Variants in RP1 observed in about 807,000 individuals in gnomAD.
RP1 encodes the protein oxygen-regulated protein 1.
In RP1, 16 loss-of-function variants were observed where a neutral mutation model predicts 14.8. The observed-to-expected ratio is 1.08, with a 90% confidence interval of 0.73 to 1.65. RP1 has a LOEUF of 1.65. Among genes scored for constraint, RP1 ranks in the 40% most tolerant of loss-of-function variants. The pLI is 0.00. For missense variants in RP1, 2,631 were observed against 2,535.0 expected, an observed-to-expected ratio of 1.04 and a Z score of -0.81; for synonymous variants, 876 against 883.6, an observed-to-expected ratio of 0.99 and a Z score of 0.15.
At position 54,663,749 on chromosome 8, in the gene RP1, A is replaced by G. The variant is rs570401230; in HGVS notation, c.1222A>G (p.Thr408Ala). The G allele has an allele frequency of 1.3e-4, 194 of 1,535,012 alleles. 1 individual carries two copies. In the African/African-American group the frequency reaches 2.4e-3, roughly 19 times the overall value. ...AACGGGTGAGCTATGGAATGCTGGAACAGTAGCAAACGTCTACATTTCTAT... is the reference window on the plus strand; with the variant it reads ...AACGGGTGAGCTATGGAATGCTGGAGCAGTAGCAAACGTCTACATTTCTAT... Residue 408 changes from threonine (T) to alanine (A), a missense_variant, in exon 7 of 23, where the codon ACA (threonine) becomes GCA (alanine). Coordinates refer to the RP1 transcript ENST00000636932.
exon 26 of RP1, chr8:54,852,721 G>A (rs546730707): frequency 3.7e-5 from 45 of 1,231,994 alleles, no homozygotes; most frequent in Middle Eastern, 3.1e-4. Context: ...AAGTTTCAGC[G>A]TGGACAGGTA....
intron 25 of RP1, among the ~76,000 whole-genome samples, chr8:54,847,833 A>C (rs1811965199): frequency 6.6e-6 from 1 of 152,202 alleles, no homozygotes; most frequent in African/African-American, 2.4e-5. Flanking sequence ...GGGACAGCTA[A>C]GTAGCCCGCA....
At chr8:54,737,404 C>G (rs1396443441) in intron 18 of RP1, among the ~76,000 whole-genome samples, 1 of 152,148 alleles carries the variant, frequency 6.6e-6, no homozygotes, top group Non-Finnish European at 1.5e-5. Flanking sequence ...ATTGTTTTCA[C>G]TTAAATTGTG....
rs1444149622 is a variant in RP1 at position 54,706,497 on chromosome 8, C to A, written c.2053C>A (p.Leu685Met). Residue 685 changes from leucine (L) to methionine (M), a missense_variant, in exon 15 of 23, where the codon CTG becomes ATG. By Grantham distance (15) the Leu-to-Met change is conservative (BLOSUM62 2). Coordinates refer to the RP1 transcript ENST00000636932. Reference sequence around the variant, plus strand: ...GCTTGCTACAAGCCTGTGTCAGGCCCTGTGTCTCCAGCCTGATGGAAGCTG... The same window carrying A: ...GCTTGCTACAAGCCTGTGTCAGGCCATGTGTCTCCAGCCTGATGGAAGCTG... 4 of 1,535,878 alleles carry A rather than the reference C, an allele frequency of 2.6e-6. No individual in the cohort carries two copies. In the Admixed American group the frequency reaches 7.8e-5, roughly 30 times the overall value.
chr8:54,654,865 T>C (rs1806723767), intron 5 of RP1, among the ~76,000 whole-genome samples: 1 of 152,186 alleles, frequency 6.6e-6, no homozygotes, highest in Admixed American at 6.5e-5. Flanking sequence ...CTGGTTGGTC[T>C]CAAACTCCTG....
intron 17 of RP1, among the ~76,000 whole-genome samples, chr8:54,734,104 T>C (rs1483799762): frequency 6.6e-6 from 1 of 152,210 alleles, no homozygotes; most frequent in Non-Finnish European, 1.5e-5. Context: ...AGAAAATTTT[T>C]CTTTGCCCTC....
intron 27 of RP1, among the ~76,000 whole-genome samples, chr8:54,859,305 TTGGA>T (rs1352866230): frequency 2.0e-5 from 3 of 148,940 alleles, no homozygotes; most frequent in Admixed American, 2.0e-4. Flanking sequence ...TGTTGTCACT[TTGGA>T]TCAGTGTCAC....
rs148510189 is a variant in RP1, at chr8:54,782,390, T to C, written c.3452-1157T>C. On this transcript the variant is annotated intron_variant, in intron 23 of 28. Transcript: ENST00000637698. ...ATGATGTTTATGTATATACAGACAG[T>C]GGTGGGTGGGGAGTAGCATTGTGTT... Among the ~76,000 whole-genome samples the C allele has an allele frequency of 2.2e-4, 33 of 152,262 alleles. No individual in the cohort carries two copies. In the East Asian group the frequency reaches 6.4e-3, roughly 29 times the overall value.
chr8:54,621,353 C>T lies in RP1; in HGVS notation c.387C>T (p.Ser129=), dbSNP rs750754409. 4 of 1,611,678 alleles carry T rather than the reference C, an allele frequency of 2.5e-6. No individual in the cohort carries two copies. In the Admixed American group the frequency reaches 6.7e-5, roughly 27 times the overall value. ...KARRRPRPWL[S]SRAISAHSPP... ...GTCGGCGCCCGCGGCCCTGGCTCAGCAGCCGGGCCATTAGCGCGCACTCAC... is the reference window on the plus strand; with the variant it reads ...GTCGGCGCCCGCGGCCCTGGCTCAGTAGCCGGGCCATTAGCGCGCACTCAC... The change falls in exon 2 of 4, where the codon AGC becomes AGT. Residue 129 remains serine (S), a synonymous_variant. Coordinates refer to ENST00000220676, the MANE Select transcript of RP1 (RefSeq NM_006269.2).
chr8:54,680,075 T>A, intron 12 of RP1: 1 of 1,107,288 alleles, frequency 9.0e-7, no homozygotes, highest in Non-Finnish European at 1.2e-6. Flanking sequence ...AATAATTTAC[T>A]ATCTGTATTA....
chr8:54,739,161 T>C, intron 19 of RP1: 1 of 484,262 alleles, frequency 2.1e-6, no homozygotes, highest in Non-Finnish European at 3.6e-6. Flanking sequence ...GTTATGCCTC[T>C]GTAAACTCAT....
At chr8:54,767,451 C>T (rs892829901) in intron 22 of RP1, among the ~76,000 whole-genome samples, 1 of 151,812 alleles carries the variant, frequency 6.6e-6, no homozygotes, top group Non-Finnish European at 1.5e-5. Flanking sequence ...CCTCTGCCTC[C>T]GAGGTTTAAG....
intron 1 of RP1, among the ~76,000 whole-genome samples, chr8:54,583,492 T>C (rs1476321018): frequency 6.6e-6 from 1 of 152,202 alleles, no homozygotes; most frequent in African/African-American, 2.4e-5. Context: ...CAGGCTTTGG[T>C]ATCAGGATGA....
At chr8:54,726,363 T>C (rs1424203800) in exon 17 of RP1, 3 of 1,524,254 alleles carry the variant, frequency 2.0e-6, no homozygotes, top group Non-Finnish European at 2.6e-6. Flanking sequence ...GAAAACCCAA[T>C]GGGAATGTCT....
At chr8:54,804,108 A>G (rs1810787060) in intron 24 of RP1, among the ~76,000 whole-genome samples, 1 of 148,098 alleles carries the variant, frequency 6.8e-6, no homozygotes, top group South Asian at 2.2e-4. Context: ...TAAACAATGG[A>G]AGGTAAACTA....
chr8:54,811,284 T>C (rs1356410090), intron 24 of RP1, among the ~76,000 whole-genome samples: 1 of 152,164 alleles, frequency 6.6e-6, no homozygotes, highest in African/African-American at 2.4e-5. Context: ...ATCCTTATTA[T>C]AGGGCCCTCC....
At chr8:54,781,878 A>C (rs2129380102) in intron 23 of RP1, among the ~76,000 whole-genome samples, 1 of 152,294 alleles carries the variant, frequency 6.6e-6, no homozygotes, top group South Asian at 2.1e-4. Flanking sequence ...AAAAGGAGGA[A>C]CACAGACATA....
chr8:54,854,816 G>C (rs969467431), intron 26 of RP1, among the ~76,000 whole-genome samples: 3 of 152,172 alleles, frequency 2.0e-5, no homozygotes, highest in African/African-American at 4.8e-5. Flanking sequence ...ATTGAGCCAA[G>C]ACAGCACCAT....
chr8:54,651,945 T>C (rs1415281057), intron 4 of RP1, among the ~76,000 whole-genome samples: 1 of 152,186 alleles, frequency 6.6e-6, no homozygotes, highest in African/African-American at 2.4e-5. Flanking sequence ...TCAAAGTATT[T>C]TTTAATTTTC....
Sources: gnomAD v4.1 joint callset for allele counts (sites outside exome capture counted in the v4.1 genomes callset) on GRCh38, gnomAD v4.1.1 for gene constraint, MANE v1.5 for transcripts, NCBI Gene and HGNC (gene_info 2026-07-23, HGNC 2026-07-21) for gene names.